PALM2AKAP2: variants seen among roughly 807,000 people sequenced by gnomAD.
PALM2AKAP2 encodes PALM2 and AKAP2 fusion.
Under a neutral mutation model 71.5 loss-of-function variants are expected in PALM2AKAP2, and 37 were observed. The observed-to-expected ratio is 0.52, with a 90% CI of 0.40 to 0.68. The LOEUF is 0.68. PALM2AKAP2 is among the 30% of genes least tolerant of loss of function. PALM2AKAP2 has a pLI of 0.00. For missense variants in PALM2AKAP2, 1,224 were observed against 1,191.8 expected, an observed-to-expected ratio of 1.03 and a Z score of -0.40; for synonymous variants, 468 against 478.8, an observed-to-expected ratio of 0.98 and a Z score of 0.29.
At chr9:109,917,831 C>T (rs571354586) in intron 3 of PALM2AKAP2, among the ~76,000 whole-genome samples, 8 of 152,096 alleles carry the variant, frequency 5.3e-5, no homozygotes, top group Middle Eastern at 3.2e-3. Context: ...GAAGTCCCTT[C>T]GGATCATTTT....
chr9:109,772,282 G>A (rs1286263033), intron 1 of PALM2AKAP2, among the ~76,000 whole-genome samples: 2 of 152,124 alleles, frequency 1.3e-5, no homozygotes, highest in Non-Finnish European at 2.9e-5. Context: ...GGCTACCACC[G>A]TCTTCTTCCA....
chr9:110,008,803 G>A (rs1185283104), intron 6 of PALM2AKAP2, among the ~76,000 whole-genome samples: 1 of 152,116 alleles, frequency 6.6e-6, no homozygotes. Context: ...GCCAGTTGCT[G>A]TGGTAGAGGG....
chr9:109,643,762 G>A (rs190425769), intron 1 of PALM2AKAP2, among the ~76,000 whole-genome samples: 162 of 152,144 alleles, frequency 1.1e-3, no homozygotes, highest in Admixed American at 5.5e-3. Flanking sequence ...GCCCTACTTC[G>A]TTTGCTTCCT....
chr9:109,927,218 GGC>G (rs1174660737), intron 5 of PALM2AKAP2, among the ~76,000 whole-genome samples: 2 of 152,192 alleles, frequency 1.3e-5, no homozygotes, highest in Non-Finnish European at 2.9e-5. Flanking sequence ...GAAGTTTGAA[GGC>G]GGGAACACAT....
intron 7 of PALM2AKAP2, among the ~76,000 whole-genome samples, chr9:110,019,533 C>T (rs559801940): frequency 1.3e-5 from 2 of 152,234 alleles, no homozygotes; most frequent in South Asian, 4.2e-4. Flanking sequence ...GTAGGAAAAT[C>T]ATGAAATTAA....
rs574855881 is a variant in PALM2AKAP2 at position 109,935,230 on chromosome 9, C to G, written c.496+3202C>G. Among the ~76,000 whole-genome samples the G allele has an allele frequency of 3.2e-4, 49 of 152,308 alleles. No homozygotes were observed. The South Asian group carries it at 9.9e-3, about 31-fold the overall frequency. ...CTCATGATTATGGTATCCTCATAGC[C>G]TCACTTTGCTTCTCAGTTTAGTACC... On this transcript the variant is annotated intron_variant, in intron 6 of 9. Transcript: ENST00000302798.
intron 1 of PALM2AKAP2, among the ~76,000 whole-genome samples, chr9:109,786,607 A>G (rs531703759): frequency 6.6e-6 from 1 of 152,172 alleles, no homozygotes; most frequent in African/African-American, 2.4e-5. Flanking sequence ...GATAGGTGAC[A>G]CTTTGGGCCC....
intron 1 of PALM2AKAP2, among the ~76,000 whole-genome samples, chr9:109,642,190 C>T (rs1036607943): frequency 2.6e-5 from 4 of 151,934 alleles, no homozygotes; most frequent in African/African-American, 9.7e-5. Flanking sequence ...GAGCTGGGCT[C>T]TAGAGTCAGA....
At chr9:110,147,565 C>G (rs1836207499) in intron 2 of PALM2AKAP2, among the ~76,000 whole-genome samples, 1 of 152,050 alleles carries the variant, frequency 6.6e-6, no homozygotes, top group Admixed American at 6.6e-5. Context: ...CGCTTGAGAC[C>G]AGAAGTTCAA....
At chr9:109,893,294 A>G (rs933798984) in intron 3 of PALM2AKAP2, among the ~76,000 whole-genome samples, 1 of 152,218 alleles carries the variant, frequency 6.6e-6, no homozygotes, top group Non-Finnish European at 1.5e-5. Flanking sequence ...TGCTGGGCCT[A>G]TCAGCTGAAG....
intron 1 of PALM2AKAP2, among the ~76,000 whole-genome samples, chr9:109,658,396 C>A (rs527923995): frequency 1.3e-5 from 2 of 151,902 alleles, no homozygotes; most frequent in Non-Finnish European, 2.9e-5. Flanking sequence ...TATAAATATC[C>A]CTTCTGACCT....
At chr9:110,011,012 AAAATATATATATAT>A (rs1832875039) in intron 6 of PALM2AKAP2, among the ~76,000 whole-genome samples, 1 of 90,512 alleles carries the variant, frequency 1.1e-5, no homozygotes, top group Admixed American at 1.1e-4. Context: ...AAAAAAAAAA[AAAATATATATATAT>A]ATATATATAT....
At position 109,838,524 on chromosome 9, in the gene PALM2AKAP2, G is replaced by A. The variant is rs570371448; in HGVS notation, c.46-28967G>A. Reference sequence around the variant, plus strand: ...CTAGCAGAAGGCAAGAAATAACTAAGATCAGAGCAGAACTGAAGGAAATGG... The same window carrying A: ...CTAGCAGAAGGCAAGAAATAACTAAAATCAGAGCAGAACTGAAGGAAATGG... On this transcript the variant is annotated intron_variant, in intron 1 of 9. Coordinates refer to the PALM2AKAP2 transcript ENST00000302798. 1.7e-4 allele frequency among the ~76,000 whole-genome samples: 26 copies of A among 152,236 alleles called. No homozygotes were observed. In the East Asian group the frequency reaches 1.7e-3, roughly 10 times the overall value.
chr9:110,134,788 A>G (rs1005650319), intron 1 of PALM2AKAP2, among the ~76,000 whole-genome samples: 7 of 152,172 alleles, frequency 4.6e-5, no homozygotes, highest in African/African-American at 1.7e-4. Context: ...GCAATTTTGC[A>G]TTGTCCTATG....
chr9:109,650,970 GA>G (rs1178700819), intron 1 of PALM2AKAP2, among the ~76,000 whole-genome samples: 2 of 152,200 alleles, frequency 1.3e-5, no homozygotes, highest in Admixed American at 1.3e-4. Context: ...GTTCATGAAT[GA>G]GATTATAAAT....
intron 1 of PALM2AKAP2, among the ~76,000 whole-genome samples, chr9:110,100,927 C>T (rs560800856): frequency 6.6e-5 from 10 of 152,072 alleles, no homozygotes; most frequent in African/African-American, 2.2e-4. Flanking sequence ...GGGTGGCTTC[C>T]GGGGAGGTGA....
At chr9:110,150,737 A>C (rs750983404) in intron 2 of PALM2AKAP2, among the ~76,000 whole-genome samples, 4 of 152,218 alleles carry the variant, frequency 2.6e-5, no homozygotes, top group African/African-American at 4.8e-5. Flanking sequence ...GCCATGTGCT[A>C]TGCACTTTTG....
At chr9:109,787,105 A>T (rs377366930) in intron 1 of PALM2AKAP2, among the ~76,000 whole-genome samples, 2 of 151,904 alleles carry the variant, frequency 1.3e-5, no homozygotes, top group African/African-American at 4.9e-5. Flanking sequence ...GTGGTGGGGT[A>T]GTTACCAGCA....
intron 1 of PALM2AKAP2, among the ~76,000 whole-genome samples, chr9:109,755,017 C>T (rs1050134799): frequency 6.6e-6 from 1 of 152,022 alleles, no homozygotes; most frequent in African/African-American, 2.4e-5. Flanking sequence ...TGCTGACTCT[C>T]CTGCCAACAC....
Sources: gnomAD v4.1 joint callset for allele counts (sites outside exome capture counted in the v4.1 genomes callset) on GRCh38, gnomAD v4.1.1 for gene constraint, MANE v1.5 for transcripts, NCBI Gene and HGNC (gene_info 2026-07-23, HGNC 2026-07-21) for gene names.